The following SMC6 variants were observed in gnomAD, a reference collection of about 807,000 sequenced individuals.
SMC6 encodes structural maintenance of chromosomes protein 6.
SMC6 carries 79 observed loss-of-function variants against 142.2 expected under a neutral mutation model. The ratio of observed to expected loss-of-function variants is 0.56; its 90% confidence interval spans 0.46 to 0.67. The LOEUF is 0.67. Ranked by LOEUF, SMC6 falls within the 30% of genes least tolerant of loss-of-function variation. The pLI, the probability that SMC6 is intolerant of heterozygous loss-of-function variation, is 0.00. For synonymous variants in SMC6, 411 were observed against 412.4 expected (o/e 1.00, Z 0.04); for missense variants, 1,072 against 1,284.0 (o/e 0.83, Z 2.52).
chr2:17,753,030 G>T lies in SMC6; in HGVS notation c.-58C>A. 1.0e-6 allele frequency: 1 copy of T among 984,728 alleles called. No individual in the cohort carries two copies. The highest frequency in any genetic ancestry group is 1.2e-6 in the Non-Finnish European group (1 of 829,422). 61.0% of individuals were successfully genotyped at this position (984,728 alleles called of 1,614,324 possible). ...TCTCTACCCTAGAGTCCTGTTTTCC[G>T]CAATTCCCAATTGGGATTCTTCTCC... is the stretch of plus-strand genomic sequence containing the variant. On this transcript the variant is annotated 5_prime_UTR_variant, in exon 2 of 28. An upstream open reading frame in the 5' UTR gains an earlier in-frame stop. Coordinates refer to ENST00000448223, the MANE Select transcript of SMC6 (RefSeq NM_001142286.2).
intron 5 of SMC6, among the ~76,000 whole-genome samples, chr2:17,734,009 AGG>A (rs1255084296): frequency 1.2e-4 from 19 of 152,210 alleles, no homozygotes; most frequent in Non-Finnish European, 2.6e-4. Flanking sequence ...ACTTTTCACA[AGG>A]AGAGACAGGA....
chr2:17,719,483 CG>C (rs2125008675), intron 11 of SMC6, among the ~76,000 whole-genome samples: 1 of 152,174 alleles, frequency 6.6e-6, no homozygotes, highest in South Asian at 2.1e-4. Flanking sequence ...AATGCTTAAA[CG>C]GAGAAAAAGG....
rs564888790 is a variant in SMC6 at position 17,742,140 on chromosome 2, G to A, written c.121-411C>T. Among the ~76,000 whole-genome samples, 35 of 152,276 alleles carry A rather than the reference G, an allele frequency of 2.3e-4. 1 individual carries two copies. The South Asian group carries it at 7.2e-3, about 32-fold the overall frequency. ...ACATTGCTAAATGTCCCTGGGGGGC[G>A]CAAAAGGGAGAGAGAAGAATCCCCT... On this transcript the variant is annotated intron_variant, in intron 3 of 27. Transcript: ENST00000448223.
chr2:17,729,384 T>A (rs1421401116), intron 7 of SMC6, among the ~76,000 whole-genome samples: 1 of 152,174 alleles, frequency 6.6e-6, no homozygotes, highest in Non-Finnish European at 1.5e-5. Flanking sequence ...CAACAGAGAA[T>A]AACATGTTTT....
At chr2:17,705,360 T>C (rs1359881327) in intron 18 of SMC6, among the ~76,000 whole-genome samples, 1 of 152,114 alleles carries the variant, frequency 6.6e-6, no homozygotes, top group Admixed American at 6.5e-5. Flanking sequence ...GTAGACCACT[T>C]GAAGCCAGGA....
At chr2:17,692,933 C>T (rs1667801316) in intron 23 of SMC6, among the ~76,000 whole-genome samples, 1 of 152,180 alleles carries the variant, frequency 6.6e-6, no homozygotes. Context: ...GACATTTATG[C>T]AGCCAAAAGA....
chr2:17,672,839 C>G (rs1666828069), intron 25 of SMC6, among the ~76,000 whole-genome samples: 1 of 152,140 alleles, frequency 6.6e-6, no homozygotes, highest in East Asian at 1.9e-4. Context: ...CCATTTGACT[C>G]TAGGTAGACA....
intron 23 of SMC6, among the ~76,000 whole-genome samples, chr2:17,685,636 TA>T (rs1667418892): frequency 1.3e-5 from 2 of 151,438 alleles, no homozygotes; most frequent in Admixed American, 6.6e-5. Context: ...AAAATGGACA[TA>T]TAGAAGTACT....
intron 26 of SMC6, among the ~76,000 whole-genome samples, chr2:17,667,185 A>C (rs1666539190): frequency 6.6e-6 from 1 of 152,226 alleles, no homozygotes; most frequent in Non-Finnish European, 1.5e-5. Context: ...GAGTCAGGGT[A>C]ATGGTAACAA....
chr2:17,738,814 G>A (rs900285055), intron 4 of SMC6, among the ~76,000 whole-genome samples: 3 of 151,972 alleles, frequency 2.0e-5, no homozygotes, highest in Admixed American at 6.6e-5. Flanking sequence ...CACTATGCCC[G>A]GCTAATTTTT....
intron 25 of SMC6, among the ~76,000 whole-genome samples, chr2:17,673,420 T>C (rs1274752207): frequency 2.0e-5 from 3 of 152,088 alleles, no homozygotes; most frequent in Non-Finnish European, 4.4e-5. Flanking sequence ...TTGCTTTTTG[T>C]GTCCCATTCA....
rs1669330832 is a variant in SMC6 at position 17,720,840 on chromosome 2, T to C, written c.945+100A>G. 4.1e-6 allele frequency: 4 copies of C among 981,824 alleles called. No individual in the cohort carries two copies. In the African/African-American group the frequency reaches 6.6e-5, roughly 16 times the overall value. The allele number at this position is 981,824 out of a possible 1,614,324, so 60.8% of individuals were successfully genotyped here. A position where few individuals can be genotyped will look rare whatever the true frequency, so the allele number is the denominator to read the frequency against. ...CAATCAATTCAAATATAGACAAATATACTGTCTGAAACTGATGGTTTGGTG... is the reference window on the plus strand; with the variant it reads ...CAATCAATTCAAATATAGACAAATACACTGTCTGAAACTGATGGTTTGGTG... On this transcript the variant is annotated intron_variant, in intron 11 of 27. Coordinates refer to ENST00000448223, the MANE Select transcript of SMC6 (RefSeq NM_001142286.2).
intron 16 of SMC6, among the ~76,000 whole-genome samples, 167 bp downstream of exon 16, chr2:17,714,694 G>A (rs1668994024): frequency 6.6e-6 from 1 of 152,086 alleles, no homozygotes; most frequent in African/African-American, 2.4e-5. Flanking sequence ...ATTTATCTAT[G>A]TTTCTCTAAT....
At chr2:17,684,914 A>G (rs1167576881) in intron 23 of SMC6, among the ~76,000 whole-genome samples, 2 of 152,168 alleles carry the variant, frequency 1.3e-5, no homozygotes, top group African/African-American at 2.4e-5. Context: ...AAAAGAACTG[A>G]AAGAATAGAT....
chr2:17,700,130 G>C, intron 21 of SMC6, 78 bp downstream of exon 21: 1 of 931,926 alleles, frequency 1.1e-6, no homozygotes, highest in South Asian at 2.3e-5. Context: ...ATTCTTTTAG[G>C]CCAATATCCA....
rs372590760 is a variant in SMC6 at position 17,670,468 on chromosome 2, G to A, written c.3018C>T (p.Ile1006=). 1.9e-5 allele frequency: 30 copies of A among 1,613,564 alleles called. No individual in the cohort carries two copies. The highest frequency in any genetic ancestry group is 2.5e-5 in the Non-Finnish European group (30 of 1,179,826). Reference sequence around the variant, plus strand: ...CCAGGCATCTGAAAGGAGATTCTGCGATGGACCACAGGGAAAGAATAAAAC... The same window carrying A: ...CCAGGCATCTGAAAGGAGATTCTGCAATGGACCACAGGGAAAGAATAAAAC... ...TVCFILSLWS[I]AESPFRCLDE... is the part of the protein sequence containing the mutation. Residue 1006 remains isoleucine, a synonymous_variant, in exon 26 of 28, where the codon ATC becomes ATT. Coordinates refer to ENST00000448223, the MANE Select transcript of SMC6 (RefSeq NM_001142286.2).
At chr2:17,696,550 T>G in intron 21 of SMC6, 124 bp from the exon 22 acceptor site, 1 of 904,904 alleles carries the variant, frequency 1.1e-6, no homozygotes, top group Non-Finnish European at 1.7e-6. Flanking sequence ...TGTTATTATA[T>G]CCATATGTGT....
At position 17,666,242 on chromosome 2, in the gene SMC6, T is replaced by C. The variant is rs142999392; in HGVS notation, c.3161+178A>G. Among the ~76,000 whole-genome samples, 13 of 152,352 alleles carry C rather than the reference T, an allele frequency of 8.5e-5. No individual in the cohort carries two copies. The East Asian group carries it at 1.9e-3, about 23-fold the overall frequency. ...AGTTATGAAAGGGAAGTAATACAAG[T>C]AAAATTTTAAATATCTCAAAAAGAG... On this transcript the variant is annotated intron_variant, in intron 27 of 27. Transcript: ENST00000448223.
intron 3 of SMC6, among the ~76,000 whole-genome samples, chr2:17,743,196 T>G (rs931854755): frequency 2.0e-5 from 3 of 152,194 alleles, no homozygotes; most frequent in Admixed American, 2.0e-4. Flanking sequence ...ATAAAATATA[T>G]ACCTACAAAA....
Sources: gnomAD v4.1 joint callset for allele counts (sites outside exome capture counted in the v4.1 genomes callset) on GRCh38, gnomAD v4.1.1 for gene constraint, MANE v1.5 for transcripts, NCBI Gene and HGNC (gene_info 2026-07-23, HGNC 2026-07-21) for gene names.